Variants in ECM1 observed in about 807,000 individuals in gnomAD.
The protein encoded by ECM1 is extracellular matrix protein 1.
Under a neutral mutation model 57.9 loss-of-function variants are expected in ECM1, and 54 were observed. The observed-to-expected ratio is 0.93, with a 90% CI of 0.75 to 1.17. The LOEUF (loss-of-function observed/expected upper bound fraction) is 1.17. ECM1 is among the 50% of genes most tolerant of loss of function. ECM1 has a pLI of 0.00. For missense variants in ECM1, 649 were observed against 688.1 expected (o/e 0.94, Z 0.64); for synonymous variants, 237 against 259.1 (o/e 0.91, Z 0.82).
intron 7 of ECM1, among the ~76,000 whole-genome samples, chr1:150,512,080 G>A (rs1006189016): frequency 6.6e-6 from 1 of 150,880 alleles, no homozygotes; most frequent in African/African-American, 2.4e-5. Flanking sequence ...CCATCCATCC[G>A]TCCAGCTCTG....
intron 7 of ECM1, 44 bp from the exon 8 acceptor site, chr1:150,512,308 G>T (rs777275329): frequency 1.2e-6 from 2 of 1,600,038 alleles, no homozygotes; most frequent in Non-Finnish European, 1.7e-6. Context: ...AGGAGAGAAG[G>T]GGCCAAGTGT....
chr1:150,512,779 A>C lies in ECM1; in HGVS notation c.1359A>C (p.Pro453=). The part of the protein sequence containing the change: ...HNMTARCCDL[P]FPEQACCAEE... ...TGACTGCCCGCTGCTGTGACCTGCCATTTCCAGAACAGGCCTGCTGTGCAG... is the reference window on the plus strand; with the variant it reads ...TGACTGCCCGCTGCTGTGACCTGCCCTTTCCAGAACAGGCCTGCTGTGCAG... Residue 453 remains proline (P), a synonymous_variant, in exon 9 of 10, where the codon CCA becomes CCC. Coordinates refer to ENST00000369047, the MANE Select transcript of ECM1 (RefSeq NM_004425.4). 6.2e-7 allele frequency: 1 copy of C among 1,614,054 alleles called. No homozygotes were observed.
Position 150,509,927 on chromosome 1 carries a change from C to G in ECM1, c.229C>G (p.Pro77Ala), listed in dbSNP as rs778140685. The G allele has an allele frequency of 6.2e-7, 1 of 1,613,544 alleles. No homozygotes were observed. Among genetic ancestry groups the G allele is most frequent in the Non-Finnish European group, 8.5e-7 (1 of 1,179,612 alleles). Residue 77 changes from proline (P) to alanine (A), a missense_variant, in exon 4 of 10, where the codon CCC (proline) becomes GCC (alanine). Physicochemically the swap from Pro to Ala is conservative, Grantham distance 27. Transcript: ENST00000369047. Reference protein sequence around the residue: ...PPFEGQSQVQPPPSQEATPLQ... With the variant: ...PPFEGQSQVQAPPSQEATPLQ... ...ACACATTCCCCCTTCTATAGTGCAG[C>G]CCCCTCCCTCTCAGGAGGCCACCCC...
chr1:150,509,322 G>A (rs1024524707), intron 1 of ECM1: 6 of 634,828 alleles, frequency 9.5e-6, no homozygotes, highest in Admixed American at 2.3e-5. Flanking sequence ...CTATCAGACC[G>A]CCACAGGCTT....
Position 150,511,112 on chromosome 1 carries a change from G to A in ECM1, c.622G>A (p.Glu208Lys), listed in dbSNP as rs587674518. Residue 208 changes from glutamate (E) to lysine (K), a missense_variant, in exon 6 of 10, where the codon GAG becomes AAG. Physicochemically the swap from Glu to Lys is moderately conservative, Grantham distance 56. Coordinates refer to ENST00000369047, the MANE Select transcript of ECM1 (RefSeq NM_004425.4). ...CTACTCCCACCTCACTCGCCAGGGT[G>A]AGACCCTCAATTTCCTGGAGATTGG... ...SSYSHLTRQGETLNFLEIGYS... is the reference protein window; with the variant it reads ...SSYSHLTRQGKTLNFLEIGYS... 5.0e-6 allele frequency: 8 copies of A among 1,614,232 alleles called. No homozygotes were observed. The highest frequency in any genetic ancestry group is 1.3e-5 in the African/African-American group (1 of 75,060).
chr1:150,513,246 T>G lies in ECM1; in HGVS notation c.1402T>G (p.Phe468Val). 6.2e-7 allele frequency: 1 copy of G among 1,614,184 alleles called. No individual in the cohort carries two copies. Among genetic ancestry groups the G allele is most frequent in the Non-Finnish European group, 8.5e-7 (1 of 1,180,014 alleles). The change falls in exon 10 of 10, where the codon TTC (phenylalanine) becomes GTC (valine). Residue 468 changes from phenylalanine (F) to valine (V), a missense_variant. Physicochemically the swap from Phe to Val is conservative, Grantham distance 50. Transcript: ENST00000369047. ...TTTTCTCATTCATCAGAAATTAACC[T>G]TCATCAATGATCTGTGTGGTCCCCG... ...ACCAEEEKLTFINDLCGPRRN... is the reference protein window; with the variant it reads ...ACCAEEEKLTVINDLCGPRRN...
intron 2 of ECM1, 25 bp from the exon 3 acceptor site, chr1:150,509,636 C>T: frequency 5.0e-6 from 8 of 1,613,886 alleles, no homozygotes; most frequent in Non-Finnish European, 6.8e-6. Flanking sequence ...ACTGTGGGCT[C>T]TGATGTCTCC....
chr1:150,513,098 T>C (rs938394170), intron 9 of ECM1, 139 bp from the exon 10 acceptor site: 8 of 932,312 alleles, frequency 8.6e-6, no homozygotes, highest in Admixed American at 6.2e-5. Flanking sequence ...AGTCTTGTAC[T>C]CTCTCTGGGC....
rs1356568383 is a variant in ECM1 at position 150,512,498 on chromosome 1, G to A, written c.1230G>A (p.Leu410=). 6.2e-7 allele frequency: 1 copy of A among 1,613,706 alleles called. No individual in the cohort carries two copies. Among genetic ancestry groups the A allele is most frequent in the South Asian group, 1.1e-5 (1 of 91,052 alleles). The change falls in exon 8 of 10, where the codon TTG becomes TTA. Residue 410 remains leucine, a synonymous_variant. Coordinates refer to ENST00000369047, the MANE Select transcript of ECM1 (RefSeq NM_004425.4). ...APYPNYDRDI[L]TIDIGRVTPN... ...ACCCCAACTATGACCGGGACATCTT[G>A]ACCATTGACATCGGTCGAGTCACCC...
In ECM1 at chr1:150,508,150, C is replaced by T; in HGVS notation, c.-60C>T. The T allele has an allele frequency of 6.5e-7, 1 of 1,543,704 alleles. No homozygotes were observed. The highest frequency in any genetic ancestry group is 9.0e-7 in the Non-Finnish European group (1 of 1,116,444). On this transcript the variant is annotated 5_prime_UTR_variant, in exon 1 of 10. Coordinates refer to ENST00000369047, the MANE Select transcript of ECM1 (RefSeq NM_004425.4). ...AGACAAGCTTCAGTGGCCGGCCCTTCACATCCAGACTTGCCTGAGAGGACC... is the reference window on the plus strand; with the variant it reads ...AGACAAGCTTCAGTGGCCGGCCCTTTACATCCAGACTTGCCTGAGAGGACC...
In ECM1 at chr1:150,513,270, C is replaced by G. The variant is rs201884523; in HGVS notation, c.1426C>G (p.Arg476Gly). 1.7e-4 allele frequency: 276 copies of G among 1,614,208 alleles called. 2 individuals are homozygous for G. The South Asian group carries it at 2.9e-3, about 17-fold the overall frequency. ...CTTCATCAATGATCTGTGTGGTCCC[C>G]GACGTAACATCTGGCGAGACCCTGC... ...LTFINDLCGP[R>G]RNIWRDPALC... Residue 476 changes from arginine to glycine, a missense_variant, in exon 10 of 10, where the codon CGA (arginine) becomes GGA (glycine). Transcript: ENST00000369047.
chr1:150,511,457 T>C lies in ECM1; in HGVS notation c.709T>C (p.Trp237Arg). Residue 237 changes from tryptophan (W) to arginine (R), a missense_variant and splice_region_variant, in exon 7 of 10, where the codon TGG becomes CGG. Coordinates refer to ENST00000369047, the MANE Select transcript of ECM1 (RefSeq NM_004425.4). ...GGCTGATCCTCCCCTCTTGCTCTAG[T>C]GGGAGGAAGCAATGAGCCGATTCTG... ...TNRLECAKLV[W>R]EEAMSRFCEA... The C allele has an allele frequency of 6.2e-7, 1 of 1,613,960 alleles. No individual in the cohort carries two copies. The highest frequency in any genetic ancestry group is 1.1e-5 in the South Asian group (1 of 91,068).
rs144325366 is a variant in ECM1, at chr1:150,512,515, G to A, written c.1247G>A (p.Arg416Gln). The A allele has an allele frequency of 1.5e-5, 24 of 1,613,564 alleles. No individual in the cohort carries two copies. Among genetic ancestry groups the A allele is most frequent in the African/African-American group, 1.1e-4 (8 of 74,754 alleles). Residue 416 changes from arginine to glutamine, a missense_variant, in exon 8 of 10, where the codon CGA (arginine) becomes CAA (glutamine). Coordinates refer to ENST00000369047, the MANE Select transcript of ECM1 (RefSeq NM_004425.4). The part of the protein sequence containing the change: ...DRDILTIDIG[R>Q]VTPNLMGHLC... Reference sequence around the variant, plus strand: ...GACATCTTGACCATTGACATCGGTCGAGTCACCCCCAACCTCATGGGCCAC... The same window carrying A: ...GACATCTTGACCATTGACATCGGTCAAGTCACCCCCAACCTCATGGGCCAC...
In ECM1 at chr1:150,513,755, G is replaced by A. The variant is rs974876207; in HGVS notation, c.*288G>A. 5.6e-6 allele frequency: 2 copies of A among 356,592 alleles called. No homozygotes were observed. The highest frequency in any genetic ancestry group is 1.0e-5 in the Non-Finnish European group (2 of 190,486). The allele number at this position is 356,592 out of a possible 1,614,324, so 22.1% of individuals were successfully genotyped here. A position where few individuals can be genotyped will look rare whatever the true frequency, so the allele number is the denominator to read the frequency against. On this transcript the variant is annotated 3_prime_UTR_variant, in exon 10 of 10. Coordinates refer to ENST00000369047, the MANE Select transcript of ECM1 (RefSeq NM_004425.4). ...TTCACTGAGCAGATGTTCACAGGCT[G>A]TGGGATGCGACCATAACTAAACAGC...
chr1:150,508,145 C>A lies in ECM1; in HGVS notation c.-65C>A, dbSNP rs1050867. 6.7e-7 allele frequency: 1 copy of A among 1,489,566 alleles called. No homozygotes were observed. The highest frequency in any genetic ancestry group is 9.4e-7 in the Non-Finnish European group (1 of 1,067,438). The allele number at this position is 1,489,566 out of a possible 1,614,324, so 92.3% of individuals were successfully genotyped here. A position where few individuals can be genotyped will look rare whatever the true frequency, so the allele number is the denominator to read the frequency against. On this transcript the variant is annotated 5_prime_UTR_variant, in exon 1 of 10. Transcript: ENST00000369047. The stretch of plus-strand genomic sequence containing the variant: ...CCACCAGACAAGCTTCAGTGGCCGG[C>A]CCTTCACATCCAGACTTGCCTGAGA...
Position 150,512,408 on chromosome 1 carries a change from C to T in ECM1, c.1140C>T (p.His380=). The T allele has an allele frequency of 6.2e-7, 1 of 1,613,568 alleles. No homozygotes were observed. ...GGGAGTATGCTGTGAAGACCCACCA[C>T]CACTTGTGTTGCCGCCACCCTCCCA... ...CDREYAVKTH[H]HLCCRHPPSP... Residue 380 remains histidine, a synonymous_variant, in exon 8 of 10, where the codon CAC becomes CAT. Coordinates refer to ENST00000369047, the MANE Select transcript of ECM1 (RefSeq NM_004425.4).
intron 1 of ECM1, 130 bp downstream of exon 1, chr1:150,508,409 A>G: frequency 3.2e-6 from 3 of 935,232 alleles, no homozygotes; most frequent in Non-Finnish European, 5.1e-6. Context: ...GAGCAGGCCC[A>G]AAGTGGGCCT....
chr1:150,509,878 G>T (rs1158234600), intron 3 of ECM1, 44 bp from the exon 4 acceptor site: 1 of 1,613,998 alleles, frequency 6.2e-7, no homozygotes, highest in Non-Finnish European at 8.5e-7. Context: ...CCCAGCCCTG[G>T]CTAGGAGAAA....
In ECM1 at chr1:150,512,457, G is replaced by C. The variant is rs750232691; in HGVS notation, c.1189G>C (p.Ala397Pro). ...CAGCCCTACTCGGGATGAGTGCTTTGCCCGTCGGGCTCCTTACCCCAACTA... is the reference window on the plus strand; with the variant it reads ...CAGCCCTACTCGGGATGAGTGCTTTCCCCGTCGGGCTCCTTACCCCAACTA... Reference protein sequence around the residue: ...PPSPTRDECFARRAPYPNYDR... With the variant: ...PPSPTRDECFPRRAPYPNYDR... Residue 397 changes from alanine (A) to proline (P), a missense_variant, in exon 8 of 10, where the codon GCC (alanine) becomes CCC (proline). Physicochemically the swap from Ala to Pro is conservative, Grantham distance 27. Coordinates refer to ENST00000369047, the MANE Select transcript of ECM1 (RefSeq NM_004425.4). The C allele has an allele frequency of 2.0e-5, 33 of 1,613,472 alleles. No homozygotes were observed. Among genetic ancestry groups the C allele is most frequent in the Non-Finnish European group, 9.3e-6 (11 of 1,179,972 alleles).
Sources: allele counts gnomAD v4.1 joint callset (sites outside exome capture counted in the v4.1 genomes callset), GRCh38; gene constraint gnomAD v4.1.1; transcripts MANE v1.5; gene names NCBI Gene and HGNC (gene_info 2026-07-23, HGNC 2026-07-21).